The following KIF16B variants were observed in gnomAD, a reference collection of about 807,000 sequenced individuals.
KIF16B encodes kinesin-like protein KIF16B.
KIF16B carries 98 observed loss-of-function variants against 156.3 expected under a neutral mutation model. The ratio of observed to expected loss-of-function variants is 0.63; its 90% CI spans 0.53 to 0.74. The LOEUF (loss-of-function observed/expected upper bound fraction) is 0.74, where lower values mean the gene tolerates loss of function less well. Ranked by LOEUF, KIF16B falls within the 30% of genes least tolerant of loss-of-function variation. The pLI is 0.00. For missense variants in KIF16B, 1,421 were observed against 1,606.5 expected, an observed-to-expected ratio of 0.88 and a Z score of 1.97; for synonymous variants, 564 against 583.7, an observed-to-expected ratio of 0.97 and a Z score of 0.49.
intron 12 of KIF16B, among the ~76,000 whole-genome samples, chr20:16,467,731 C>A (rs904017280): frequency 2.7e-5 from 4 of 150,876 alleles, no homozygotes; most frequent in Admixed American, 1.3e-4. Flanking sequence ...AAAAAAAAAC[C>A]CGGCCAACCT....
chr20:16,541,494 T>G (rs556996515), intron 1 of KIF16B, among the ~76,000 whole-genome samples: 19 of 152,352 alleles, frequency 1.2e-4, no homozygotes, highest in African/African-American at 4.6e-4. Context: ...CACAGCCTTA[T>G]GAGTCTCCCA....
At chr20:16,407,591 G>C (rs928618454) in intron 15 of KIF16B, among the ~76,000 whole-genome samples, 1 of 152,118 alleles carries the variant, frequency 6.6e-6, no homozygotes, top group Non-Finnish European at 1.5e-5. Flanking sequence ...ATTGCAGAGA[G>C]AGTCTAAGCT....
chr20:16,296,719 C>A (rs755333741), intron 25 of KIF16B, among the ~76,000 whole-genome samples: 5 of 152,210 alleles, frequency 3.3e-5, no homozygotes, highest in Non-Finnish European at 5.9e-5. Flanking sequence ...ATTACCAACA[C>A]AGCCGTATCT....
intron 12 of KIF16B, among the ~76,000 whole-genome samples, chr20:16,476,718 A>G (rs1008754480): frequency 1.3e-5 from 2 of 152,170 alleles, no homozygotes; most frequent in Non-Finnish European, 2.9e-5. Flanking sequence ...AAAGTGAAGT[A>G]TCATTCCGGT....
chr20:16,326,417 A>G (rs1464911124), intron 24 of KIF16B, among the ~76,000 whole-genome samples: 1 of 151,970 alleles, frequency 6.6e-6, no homozygotes, highest in Non-Finnish European at 1.5e-5. Flanking sequence ...CAAAGGAATA[A>G]TATCCAGAAT....
At chr20:16,448,653 A>G (rs1159637523) in intron 12 of KIF16B, among the ~76,000 whole-genome samples, 1 of 152,234 alleles carries the variant, frequency 6.6e-6, no homozygotes, top group African/African-American at 2.4e-5. Context: ...CAATGACCAT[A>G]AACAGCAAGC....
At chr20:16,386,746 G>T (rs1213487768) in intron 17 of KIF16B, among the ~76,000 whole-genome samples, 1 of 151,960 alleles carries the variant, frequency 6.6e-6, no homozygotes, top group East Asian at 1.9e-4. Context: ...TGAGAGCAAG[G>T]GTTCAGGCAT....
At position 16,356,402 on chromosome 20, in the gene KIF16B, T is replaced by C. The variant is rs768134599; in HGVS notation, c.3549A>G (p.Pro1183=). The part of the protein sequence containing the change: ...LGANPDDLKD[P]IKISIPRYVL... ...CGTAGCGTGGGATACTAATTTTAAT[T>C]GGGTCCTTCAGGTCATCTGGATTTG... is the stretch of plus-strand genomic sequence containing the variant. The change falls in exon 23 of 26, where the codon CCA becomes CCG. Residue 1183 remains proline, a synonymous_variant. Coordinates refer to ENST00000354981, the MANE Select transcript of KIF16B (RefSeq NM_024704.5). 5.0e-6 allele frequency: 8 copies of C among 1,614,080 alleles called. No individual in the cohort carries two copies. The highest frequency in any genetic ancestry group is 1.7e-5 in the Admixed American group (1 of 60,008).
chr20:16,543,375 C>T (rs150373480), intron 1 of KIF16B, among the ~76,000 whole-genome samples: 238 of 152,236 alleles, frequency 1.6e-3, no homozygotes, highest in African/African-American at 4.6e-3. Flanking sequence ...GACTTCCAAC[C>T]GAGGTGCTCC....
rs1211329099 is a variant in KIF16B at position 16,305,948 on chromosome 20, A to C, written c.3795+6387T>G. Among the ~76,000 whole-genome samples the C allele has an allele frequency of 3.9e-5, 6 of 152,232 alleles. No homozygotes were observed. The South Asian group carries it at 1.2e-3, about 32-fold the overall frequency. ...TTAGGTTGATTCCATATCTTGGCTT[A>C]TCAATCATGTTTTAAACCTCACTCT... On this transcript the variant is annotated intron_variant, in intron 25 of 25. Transcript: ENST00000354981.
At chr20:16,415,262 G>C (rs1478229108) in intron 15 of KIF16B, among the ~76,000 whole-genome samples, 1 of 152,072 alleles carries the variant, frequency 6.6e-6, no homozygotes, top group Admixed American at 6.6e-5. Context: ...TTCCATTCTT[G>C]CCCAGTAGTC....
intron 12 of KIF16B, among the ~76,000 whole-genome samples, chr20:16,446,005 C>G (rs1489076424): frequency 6.6e-6 from 1 of 152,138 alleles, no homozygotes; most frequent in Non-Finnish European, 1.5e-5. Flanking sequence ...ACAGTGTAGA[C>G]AACCTCCTCT....
At chr20:16,556,737 T>C (rs2070864449) in intron 1 of KIF16B, among the ~76,000 whole-genome samples, 1 of 152,226 alleles carries the variant, frequency 6.6e-6, no homozygotes, top group African/African-American at 2.4e-5. Flanking sequence ...GCCTCTGCAC[T>C]GGCTGTTACT....
chr20:16,323,463 T>C (rs1411605695), intron 24 of KIF16B, among the ~76,000 whole-genome samples: 4 of 152,116 alleles, frequency 2.6e-5, no homozygotes, highest in Admixed American at 2.0e-4. Context: ...TCCAAATTAA[T>C]AGCAGCTCCC....
intron 6 of KIF16B, among the ~76,000 whole-genome samples, chr20:16,508,582 C>T (rs968210937): frequency 2.6e-5 from 4 of 152,130 alleles, no homozygotes; most frequent in African/African-American, 9.7e-5. Flanking sequence ...GGCTCATGCT[C>T]CTATGAGAAT....
At position 16,312,350 on chromosome 20, in the gene KIF16B, T is replaced by A. The variant is rs1177301575; in HGVS notation, c.3780A>T (p.Arg1260Ser). The A allele has an allele frequency of 6.2e-7, 1 of 1,613,152 alleles. No homozygotes were observed. The highest frequency in any genetic ancestry group is 1.7e-5 in the Admixed American group (1 of 60,008). Residue 1260 changes from arginine (R) to serine (S), a missense_variant, in exon 25 of 26, where the codon AGA (arginine) becomes AGT (serine). Transcript: ENST00000354981. ...GNKDERVIAE[R>S]RSHLEKYLRD... ...ATTCTGTTACCTCTAAGTGACTTCG[T>A]CTCTCAGCAATCACACGTTCATCCT...
Position 16,511,438 on chromosome 20 carries a change from T to G in KIF16B, c.536A>C (p.Lys179Thr). 1 of 1,603,076 alleles carries G rather than the reference T, an allele frequency of 6.2e-7. No homozygotes were observed. The highest frequency in any genetic ancestry group is 1.3e-5 in the African/African-American group (1 of 74,822). ...TFNLRVREHP[K>T]EGPYVEDLSK... Reference sequence around the variant, plus strand: ...CTTACCCTCAACATAAGGGCCTTCTTTGGGATGCTCACGGACTCTCAAATT... The same window carrying G: ...CTTACCCTCAACATAAGGGCCTTCTGTGGGATGCTCACGGACTCTCAAATT... Residue 179 changes from lysine to threonine, a missense_variant, in exon 6 of 26, where the codon AAA becomes ACA. Lys to Thr is a moderately conservative substitution (Grantham distance 78, BLOSUM62 -1). Coordinates refer to ENST00000354981, the MANE Select transcript of KIF16B (RefSeq NM_024704.5).
chr20:16,359,643 TAG>T (rs1314101401), intron 22 of KIF16B, among the ~76,000 whole-genome samples: 1 of 120,850 alleles, frequency 8.3e-6, no homozygotes, highest in African/African-American at 3.5e-5. Context: ...CTCAGGATCA[TAG>T]ATTCTTTACA....
rs1478641968 is a variant in KIF16B, at chr20:16,379,992, C to G, written c.2010G>C (p.Lys670Asn). 6 of 1,610,072 alleles carry G rather than the reference C, an allele frequency of 3.7e-6. No homozygotes were observed. In the African/African-American group the frequency reaches 8.1e-5, roughly 22 times the overall value. ...ATTTTTCCTTCTCCGCAAGTAAATC[C>G]TTTAGCTTGTTCTCGATGTGGAAGC... ...RRSFHIENKL[K>N]DLLAEKEKFE... The change falls in exon 19 of 26, where the codon AAG becomes AAC. Residue 670 changes from lysine to asparagine, a missense_variant. By Grantham distance (94) the Lys-to-Asn change is moderately conservative (BLOSUM62 0). Coordinates refer to ENST00000354981, the MANE Select transcript of KIF16B (RefSeq NM_024704.5).
Sources: allele counts gnomAD v4.1 joint callset (sites outside exome capture counted in the v4.1 genomes callset), GRCh38; gene constraint gnomAD v4.1.1; transcripts MANE v1.5; gene names NCBI Gene and HGNC (gene_info 2026-07-23, HGNC 2026-07-21).